The following NKAIN1 variants were observed in gnomAD, a reference collection of about 807,000 sequenced individuals.
The protein encoded by NKAIN1 is sodium/potassium-transporting ATPase subunit beta-1-interacting protein 1.
In NKAIN1, 13 loss-of-function variants were observed where a neutral mutation model predicts 31.6. The ratio of observed to expected loss-of-function variants is 0.41; its 90% CI spans 0.27 to 0.65. NKAIN1 has a LOEUF of 0.65. NKAIN1 is among the 30% of genes least tolerant of loss of function. The pLI, the probability that NKAIN1 is intolerant of heterozygous loss-of-function variation, is 0.30. For missense variants in NKAIN1, 193 were observed against 262.2 expected (o/e 0.74, Z 1.82); for synonymous variants, 104 against 109.0 (o/e 0.95, Z 0.28).
At position 31,232,424 on chromosome 1, in the gene NKAIN1, T is replaced by TAGAGAGAG. The variant is rs34605060; in HGVS notation, c.54+7062_54+7069dup. The stretch of plus-strand genomic sequence containing the variant: ...ATATATATATATATATATATATATA[T>TAGAGAGAG]AGAGAGAGAGAGAGAGAGAGAGAGA... On this transcript the variant is annotated intron_variant, in intron 1 of 6. Transcript: ENST00000373736. Among the ~76,000 whole-genome samples the TAGAGAGAG allele has an allele frequency of 4.3e-3, 73 of 16,894 alleles. 5 individuals carry two copies. Among genetic ancestry groups the TAGAGAGAG allele is most frequent in the South Asian group, 6.6e-3 (2 of 302 alleles). The allele number at this position is 16,894 out of a possible 152,430, so 11.1% of individuals were successfully genotyped here.
intron 1 of NKAIN1, among the ~76,000 whole-genome samples, chr1:31,194,595 C>T (rs1226012169): frequency 1.3e-5 from 2 of 150,604 alleles, no homozygotes; most frequent in East Asian, 2.0e-4. Context: ...TTAGTAGAGA[C>T]GGGGTTTCTC....
intron 3 of NKAIN1, among the ~76,000 whole-genome samples, chr1:31,184,596 G>A (rs1401890195): frequency 6.6e-6 from 1 of 152,076 alleles, no homozygotes; most frequent in Non-Finnish European, 1.5e-5. Flanking sequence ...AGGAAACTGG[G>A]GCTCAGAGAG....
At chr1:31,234,282 C>A (rs1645678922) in intron 1 of NKAIN1, among the ~76,000 whole-genome samples, 1 of 152,204 alleles carries the variant, frequency 6.6e-6, no homozygotes, top group Non-Finnish European at 1.5e-5. Context: ...ACCAGACCCT[C>A]CCGAGGAAGC....
At chr1:31,220,581 C>A (rs568199687) in intron 1 of NKAIN1, among the ~76,000 whole-genome samples, 162 of 151,852 alleles carry the variant, frequency 1.1e-3, no homozygotes, top group Admixed American at 3.8e-3. Context: ...ATGGCGAAAC[C>A]CTGTCTCTAC....
chr1:31,195,212 G>A (rs1362527391), intron 1 of NKAIN1, among the ~76,000 whole-genome samples: 1 of 148,280 alleles, frequency 6.7e-6, no homozygotes, highest in Non-Finnish European at 1.5e-5. Flanking sequence ...TCCGCCTCCT[G>A]GGTTCAAGCT....
intron 1 of NKAIN1, among the ~76,000 whole-genome samples, chr1:31,228,289 G>GA (rs1281949577): frequency 6.6e-6 from 1 of 152,112 alleles, no homozygotes; most frequent in Non-Finnish European, 1.5e-5. Context: ...TCCTTATCCT[G>GA]AAAATCTCAG....
intron 1 of NKAIN1, among the ~76,000 whole-genome samples, chr1:31,218,069 TTTTTTTTTTTTGAGATGGA>T (rs1645531498): frequency 1.4e-5 from 2 of 138,144 alleles, no homozygotes; most frequent in African/African-American, 5.5e-5. Context: ...TCTTTCTTTC[TTTTTTTTTTTTGAGATGGA>T]GTCTCGCTCT....
At chr1:31,197,515 G>A (rs1006688204) in intron 1 of NKAIN1, among the ~76,000 whole-genome samples, 1 of 148,446 alleles carries the variant, frequency 6.7e-6, no homozygotes, top group Non-Finnish European at 1.5e-5. Context: ...CAAAGTGCTG[G>A]GATTACAGGC....
chr1:31,200,083 G>C (rs948886537), intron 1 of NKAIN1, among the ~76,000 whole-genome samples: 1 of 151,516 alleles, frequency 6.6e-6, no homozygotes, highest in East Asian at 1.9e-4. Context: ...ACACATGCGC[G>C]CACACGCATT....
At chr1:31,208,047 C>A (rs1645437657) in intron 1 of NKAIN1, among the ~76,000 whole-genome samples, 1 of 152,150 alleles carries the variant, frequency 6.6e-6, no homozygotes, top group African/African-American at 2.4e-5. Flanking sequence ...AGCATCACCG[C>A]TGTGGCCTGA....
intron 1 of NKAIN1, among the ~76,000 whole-genome samples, chr1:31,215,674 G>T (rs963481016): frequency 6.6e-6 from 1 of 152,256 alleles, no homozygotes; most frequent in East Asian, 1.9e-4. Flanking sequence ...GTATATGAGG[G>T]ATGGGGGTGT....
At chr1:31,188,312 T>C (rs1645260700) in intron 1 of NKAIN1, 125 bp from the exon 2 acceptor site, 1 of 1,036,284 alleles carries the variant, frequency 9.6e-7, no homozygotes, top group East Asian at 2.6e-5. Flanking sequence ...CTCAGAACAA[T>C]CCAGTCCTTC....
intron 1 of NKAIN1, among the ~76,000 whole-genome samples, chr1:31,212,421 A>T (rs75449251): frequency 0.31 from 10,799 of 35,268 alleles, 881 homozygotes; most frequent in African/African-American, 0.37. Flanking sequence ...TTTTTTTTTT[A>T]GGAGACAAGG....
chr1:31,239,423 AC>A lies in NKAIN1; in HGVS notation c.54+70del. ...CACACACAGAGACACACGCAACCCCACCCGCACGCCCTGGGACCGCGCCCCG... is the reference window on the plus strand; with the variant it reads ...CACACACAGAGACACACGCAACCCCACCGCACGCCCTGGGACCGCGCCCCG... On this transcript the variant is annotated intron_variant, in intron 1 of 6. Transcript: ENST00000373736. This position sits in a 1 kb window ranked among gnomAD's most constrained non-coding sequence, Gnocchi z 4.8. The A allele has an allele frequency of 8.3e-7, 1 of 1,209,342 alleles. No homozygotes were observed. Among genetic ancestry groups the A allele is most frequent in the Non-Finnish European group, 1.1e-6 (1 of 921,574 alleles). The allele number at this position is 1,209,342 out of a possible 1,614,324, so 74.9% of individuals were successfully genotyped here. A position where few individuals can be genotyped will look rare whatever the true frequency, so the allele number is the denominator to read the frequency against.
intron 1 of NKAIN1, chr1:31,188,406 A>T: frequency 1.9e-6 from 1 of 534,028 alleles, no homozygotes; most frequent in Non-Finnish European, 3.3e-6. Flanking sequence ...AGGGTTCAGA[A>T]CACCTTCCTC....
intron 2 of NKAIN1, among the ~76,000 whole-genome samples, chr1:31,187,808 A>G (rs1354427796): frequency 6.6e-6 from 1 of 151,778 alleles, no homozygotes; most frequent in Non-Finnish European, 1.5e-5. Flanking sequence ...CACTCACTAC[A>G]TGATCCATTT....
chr1:31,223,748 G>C (rs1185614538), intron 1 of NKAIN1, among the ~76,000 whole-genome samples: 6 of 152,196 alleles, frequency 3.9e-5, no homozygotes, highest in Admixed American at 3.3e-4. Context: ...CCAGCCGACT[G>C]CTGGTACTGT....
chr1:31,184,060 G>C (rs752527726), intron 3 of NKAIN1, 46 bp from the exon 4 acceptor site: 25 of 1,549,080 alleles, frequency 1.6e-5, no homozygotes, highest in East Asian at 1.1e-4. Flanking sequence ...GGAGAGGGAG[G>C]GGGGAGCTAC....
chr1:31,181,855 C>A lies in NKAIN1; in HGVS notation c.614+5G>T. 1 of 1,604,748 alleles carries A rather than the reference C, an allele frequency of 6.2e-7. No homozygotes were observed. Among genetic ancestry groups the A allele is most frequent in the Non-Finnish European group, 8.5e-7 (1 of 1,176,366 alleles). ...TCCCCAAGCCAGCAGGGGGCCGTGA[C>A]CCACGTGTACAGAGGCTGCAGCTGT... On this transcript the variant is annotated splice_donor_5th_base_variant and intron_variant, in intron 6 of 6. Transcript: ENST00000373736.
Sources: gnomAD v4.1 joint callset for allele counts (sites outside exome capture counted in the v4.1 genomes callset) on GRCh38, gnomAD v4.1.1 for gene constraint, Gnocchi (gnomAD v3.1) non-coding constraint, MANE v1.5 for transcripts, NCBI Gene and HGNC (gene_info 2026-07-23, HGNC 2026-07-21) for gene names.